Variants in DOCK10 observed in about 807,000 individuals in gnomAD.
The protein encoded by DOCK10 is dedicator of cytokinesis 10.
Under a neutral mutation model 280.1 loss-of-function variants are expected in DOCK10, and 145 were observed. That is an observed-to-expected ratio of 0.52 (90% CI 0.45 to 0.59). The LOEUF (loss-of-function observed/expected upper bound fraction) is 0.59. Ranked by LOEUF, DOCK10 falls within the 20% of genes least tolerant of loss-of-function variation. The probability of loss-of-function intolerance (pLI) is 0.00; values close to 1 mark genes in which losing one functional copy is unlikely to be tolerated. For missense variants in DOCK10, 2,368 were observed against 2,651.7 expected, an observed-to-expected ratio of 0.89 and a Z score of 2.35; for synonymous variants, 915 against 942.2, an observed-to-expected ratio of 0.97 and a Z score of 0.53.
intron 18 of DOCK10, among the ~76,000 whole-genome samples, chr2:224,851,974 C>T (rs1240740758): frequency 1.3e-5 from 2 of 151,988 alleles, no homozygotes; most frequent in African/African-American, 2.4e-5. Flanking sequence ...GAGCATCCCA[C>T]GGGTCCCCCA....
intron 2 of DOCK10, among the ~76,000 whole-genome samples, chr2:224,920,117 G>A (rs1701609388): frequency 6.6e-6 from 1 of 152,108 alleles, no homozygotes. Flanking sequence ...CTGTTGGCCA[G>A]GTTGCAGTGC....
intron 1 of DOCK10, among the ~76,000 whole-genome samples, chr2:225,035,588 A>ATATTATATATATATAT (rs1559987127): frequency 8.8e-6 from 1 of 112,998 alleles, no homozygotes; most frequent in Non-Finnish European, 1.7e-5. Context: ...ATATATATAT[A>ATATTATATATATATAT]ACACTGAATC....
chr2:225,000,215 C>CAG (rs982595153), intron 1 of DOCK10, among the ~76,000 whole-genome samples: 4 of 114,118 alleles, frequency 3.5e-5, no homozygotes, highest in African/African-American at 1.0e-4. Flanking sequence ...GACACACACA[C>CAG]ACACACACAG....
chr2:224,874,233 G>C (rs987803004), intron 10 of DOCK10, 33 bp downstream of exon 10: 1 of 1,604,054 alleles, frequency 6.2e-7, no homozygotes, highest in Non-Finnish European at 8.5e-7. Flanking sequence ...TATGGATCAA[G>C]TTCATATCTG....
chr2:224,946,957 T>C, intron 1 of DOCK10: 1 of 1,537,796 alleles, frequency 6.5e-7, no homozygotes, highest in Non-Finnish European at 8.8e-7. Context: ...CTCATCGTAT[T>C]GCTATAATTT....
At position 224,794,948 on chromosome 2, in the gene DOCK10, A is replaced by C; in HGVS notation, c.5085T>G (p.Thr1695=). ...CCAGCCAGGTCCTGCGTAGTTCAGGAGTGCTTGCGTAGGAGTTTGCCAGGC... is the reference window on the plus strand; with the variant it reads ...CCAGCCAGGTCCTGCGTAGTTCAGGCGTGCTTGCGTAGGAGTTTGCCAGGC... ...QYSLANSYAS[T]PELRRTWLES... Residue 1695 remains threonine (T), a synonymous_variant, in exon 45 of 56, where the codon ACT becomes ACG. Coordinates refer to ENST00000258390, the MANE Select transcript of DOCK10 (RefSeq NM_014689.3). 2 of 1,613,884 alleles carry C rather than the reference A, an allele frequency of 1.2e-6. No individual in the cohort carries two copies. Among genetic ancestry groups the C allele is most frequent in the South Asian group, 2.2e-5 (2 of 91,064 alleles).
intron 51 of DOCK10, among the ~76,000 whole-genome samples, chr2:224,775,822 AAT>A (rs1424728596): frequency 2.6e-5 from 4 of 152,202 alleles, no homozygotes; most frequent in African/African-American, 7.2e-5. Context: ...ACTTTTAAAA[AAT>A]ATCTTTTGGT....
At chr2:225,007,337 T>G (rs573282848) in intron 1 of DOCK10, among the ~76,000 whole-genome samples, 1 of 152,158 alleles carries the variant, frequency 6.6e-6, no homozygotes, top group Admixed American at 6.6e-5. Context: ...TTAAATTAGA[T>G]GCATGCATAA....
chr2:224,848,253 T>C (rs1367384250), intron 19 of DOCK10, among the ~76,000 whole-genome samples: 1 of 152,170 alleles, frequency 6.6e-6, no homozygotes, highest in Non-Finnish European at 1.5e-5. Context: ...AGCTGCTAAA[T>C]GGTGATAATG....
At chr2:224,831,749 T>G (rs1019802056) in intron 26 of DOCK10, among the ~76,000 whole-genome samples, 3 of 152,190 alleles carry the variant, frequency 2.0e-5, no homozygotes, top group African/African-American at 4.8e-5. Flanking sequence ...CTGGCCCTCC[T>G]CCCTGCCGCA....
rs528466541 is a variant in DOCK10 at position 224,827,031 on chromosome 2, G to A, written c.3037-3384C>T. Among the ~76,000 whole-genome samples, 20 of 152,150 alleles carry A rather than the reference G, an allele frequency of 1.3e-4. No homozygotes were observed. In the East Asian group the frequency reaches 3.9e-3, roughly 29 times the overall value. ...TAATTCCAGCACTTTGGGAGGCTGA[G>A]GTGGGTGGATCACCTAAGGTCAGGA... On this transcript the variant is annotated intron_variant, in intron 27 of 55. Coordinates refer to ENST00000258390, the MANE Select transcript of DOCK10 (RefSeq NM_014689.3).
At chr2:224,919,186 T>G (rs1329355592) in intron 2 of DOCK10, among the ~76,000 whole-genome samples, 1 of 147,978 alleles carries the variant, frequency 6.8e-6, no homozygotes, top group Non-Finnish European at 1.5e-5. Context: ...GTGTGTGATG[T>G]GTATGTGTGG....
chr2:224,955,203 T>C (rs1037676431), intron 1 of DOCK10, among the ~76,000 whole-genome samples: 4 of 152,214 alleles, frequency 2.6e-5, no homozygotes, highest in African/African-American at 7.2e-5. Flanking sequence ...GTTTAATAAT[T>C]ACCCTGAAAA....
At chr2:224,783,926 T>C (rs1691544366) in intron 50 of DOCK10, among the ~76,000 whole-genome samples, 1 of 151,982 alleles carries the variant, frequency 6.6e-6, no homozygotes, top group Non-Finnish European at 1.5e-5. Flanking sequence ...ATGCTTTCTC[T>C]TTCCAGCTTA....
rs139522580 is a variant in DOCK10, at chr2:224,941,685, A to T, written c.124-10017T>A. Reference sequence around the variant, plus strand: ...ATGGTGAAACCCCGTCTCTACTAAAAATACAAAAATTAGCCAGGCGTGGTG... The same window carrying T: ...ATGGTGAAACCCCGTCTCTACTAAATATACAAAAATTAGCCAGGCGTGGTG... On this transcript the variant is annotated intron_variant, in intron 1 of 55. Coordinates refer to ENST00000258390, the MANE Select transcript of DOCK10 (RefSeq NM_014689.3). Among the ~76,000 whole-genome samples, 142 of 152,136 alleles carry T rather than the reference A, an allele frequency of 9.3e-4. 1 individual carries two copies. In the East Asian group the frequency reaches 0.027, roughly 29 times the overall value.
At chr2:225,000,710 T>C (rs1305036607) in intron 1 of DOCK10, among the ~76,000 whole-genome samples, 1 of 152,164 alleles carries the variant, frequency 6.6e-6, no homozygotes, top group Non-Finnish European at 1.5e-5. Context: ...TCAGGCCGGG[T>C]GGCTCATGCC....
chr2:224,817,081 C>T (rs943172036), intron 29 of DOCK10, among the ~76,000 whole-genome samples: 1 of 152,194 alleles, frequency 6.6e-6, no homozygotes, highest in African/African-American at 2.4e-5. Flanking sequence ...AAAAACTACA[C>T]TCAGATAATG....
intron 1 of DOCK10, among the ~76,000 whole-genome samples, chr2:224,979,229 A>C (rs1705618711): frequency 6.6e-6 from 1 of 152,224 alleles, no homozygotes; most frequent in Non-Finnish European, 1.5e-5. Flanking sequence ...AGCAATTTGC[A>C]CCTATTAACA....
At chr2:224,986,610 G>GCTCTCT (rs34881146) in intron 1 of DOCK10, among the ~76,000 whole-genome samples, 7 of 149,624 alleles carry the variant, frequency 4.7e-5, no homozygotes, top group Non-Finnish European at 8.9e-5. Flanking sequence ...ATAAACACCA[G>GCTCTCT]CTCTCTCTCT....
Sources: allele counts gnomAD v4.1 joint callset (sites outside exome capture counted in the v4.1 genomes callset), GRCh38; gene constraint gnomAD v4.1.1; transcripts MANE v1.5; gene names NCBI Gene and HGNC (gene_info 2026-07-23, HGNC 2026-07-21).